The following TEX9 variants were observed in gnomAD, a reference collection of about 807,000 sequenced individuals.
TEX9 encodes the protein testis-expressed protein 9.
TEX9 carries 74 observed loss-of-function variants against 59.6 expected under a neutral mutation model. The ratio of observed to expected loss-of-function variants is 1.24; its 90% CI spans 1.03 to 1.51. The LOEUF is 1.51. TEX9 is among the 40% of genes most tolerant of loss of function. The pLI is 0.00. For missense variants in TEX9, 522 were observed against 447.8 expected (o/e 1.17, Z -1.49); for synonymous variants, 186 against 152.2 (o/e 1.22, Z -1.64).
upstream of TEX9, chr15:56,365,399 T>C: frequency 6.3e-7 from 1 of 1,589,206 alleles, no homozygotes; most frequent in Non-Finnish European, 8.6e-7. Context: ...ATGTGGAAAC[T>C]CTCGCGGGAA....
At chr15:56,263,951 G>A (rs2044324053) in intron 1 of TEX9, among the ~76,000 whole-genome samples, 1 of 152,154 alleles carries the variant, frequency 6.6e-6, no homozygotes, top group Non-Finnish European at 1.5e-5. Context: ...CCAGGTGAAA[G>A]ACATTTTTGG....
At chr15:56,320,180 C>T (rs1351937379) in intron 1 of TEX9, among the ~76,000 whole-genome samples, 1 of 152,198 alleles carries the variant, frequency 6.6e-6, no homozygotes, top group Non-Finnish European at 1.5e-5. Context: ...CTCACTTCCA[C>T]TGCAATGGAA....
intron 1 of TEX9, among the ~76,000 whole-genome samples, chr15:56,350,067 C>T (rs2046548473): frequency 6.6e-6 from 1 of 152,000 alleles, no homozygotes; most frequent in Non-Finnish European, 1.5e-5. Flanking sequence ...TGCTTATAGT[C>T]CTTATATTGT....
chr15:56,405,728 A>C (rs1056638478), intron 9 of TEX9, among the ~76,000 whole-genome samples: 1 of 152,124 alleles, frequency 6.6e-6, no homozygotes, highest in Non-Finnish European at 1.5e-5. Context: ...TTATATCTCT[A>C]TACAAACAAA....
chr15:56,460,009 A>AAAAAAAAAAAAAAAATATATATATATAT, the TEX9 span, among the ~76,000 whole-genome samples: 2 of 26,388 alleles, frequency 7.6e-5, no homozygotes, highest in East Asian at 1.1e-3. Context: ...AAAAAAAAAA[A>AAAAAAAAAAAAAAAATATATATATATAT]ATACATATAT....
intron 1 of TEX9, among the ~76,000 whole-genome samples, chr15:56,263,484 A>T (rs928152354): frequency 6.7e-6 from 1 of 149,986 alleles, no homozygotes; most frequent in African/African-American, 2.5e-5. Context: ...TCCTTTCCTA[A>T]TTTTCTTGGG....
intron 1 of TEX9, among the ~76,000 whole-genome samples, chr15:56,267,586 T>A (rs1156446369): frequency 2.0e-5 from 3 of 152,236 alleles, no homozygotes; most frequent in Non-Finnish European, 4.4e-5. Flanking sequence ...AAATAGGGAA[T>A]CCTTTCCCCA....
At chr15:56,253,565 G>A (rs558576467) in intron 1 of TEX9, among the ~76,000 whole-genome samples, 1 of 152,208 alleles carries the variant, frequency 6.6e-6, no homozygotes, top group African/African-American at 2.4e-5. Flanking sequence ...TTAGAGATGA[G>A]GGTCTGTGCT....
chr15:56,427,779 A>C, intron 11 of TEX9, 40 bp downstream of exon 11: 1 of 1,395,112 alleles, frequency 7.2e-7, no homozygotes, highest in Non-Finnish European at 9.5e-7. Context: ...TATTATTTGT[A>C]ACTTTCTTAC....
intron 12 of TEX9, chr15:56,428,943 G>GTATC: frequency 1.8e-6 from 1 of 550,940 alleles, no homozygotes; most frequent in African/African-American, 2.0e-5. Flanking sequence ...AAATTAATTT[G>GTATC]TATCTGATAA....
intron 1 of TEX9, among the ~76,000 whole-genome samples, chr15:56,272,917 TA>T (rs1438154439): frequency 9.8e-6 from 1 of 101,884 alleles, no homozygotes; most frequent in Admixed American, 1.0e-4. Flanking sequence ...GGGGGTTCTT[TA>T]TTTATTTATT....
intron 3 of TEX9, among the ~76,000 whole-genome samples, chr15:56,383,136 A>C (rs1215985843): frequency 6.6e-5 from 10 of 152,110 alleles, no homozygotes; most frequent in Non-Finnish European, 1.3e-4. Flanking sequence ...GGGTACTCAA[A>C]GTCTCCGCCC....
At chr15:56,446,832 C>T (rs760223354), downstream of TEX9, 3 of 1,581,106 alleles carry the variant, frequency 1.9e-6, no homozygotes, top group East Asian at 2.2e-5. Context: ...TGACCAGAAA[C>T]ATGATTACCA....
intron 12 of TEX9, among the ~76,000 whole-genome samples, chr15:56,445,001 T>G (rs1478872339): frequency 6.6e-6 from 1 of 152,066 alleles, no homozygotes; most frequent in African/African-American, 2.4e-5. Flanking sequence ...AGTCATTATC[T>G]TATTATTCTA....
At chr15:56,373,037 C>T (rs1293947692) in intron 2 of TEX9, among the ~76,000 whole-genome samples, 3 of 152,136 alleles carry the variant, frequency 2.0e-5, no homozygotes, top group Non-Finnish European at 2.9e-5. Flanking sequence ...TCCCCCATAC[C>T]GTGCCCACTT....
chr15:56,270,734 G>T (rs1158284484), intron 1 of TEX9, among the ~76,000 whole-genome samples: 2 of 152,154 alleles, frequency 1.3e-5, no homozygotes, highest in Non-Finnish European at 2.9e-5. Context: ...TAGCATTGAT[G>T]GTCTTTACAA....
At chr15:56,316,490 G>T (rs1284307127) in intron 1 of TEX9, among the ~76,000 whole-genome samples, 6 of 150,118 alleles carry the variant, frequency 4.0e-5, no homozygotes, top group African/African-American at 1.5e-4. Flanking sequence ...ACCCACTTGA[G>T]GAGGCAGTCT....
chr15:56,386,614 A>G (rs1189037521), intron 4 of TEX9, among the ~76,000 whole-genome samples: 1 of 152,010 alleles, frequency 6.6e-6, no homozygotes, highest in Non-Finnish European at 1.5e-5. Flanking sequence ...GTATGCGTAC[A>G]TATACCATGA....
intron 1 of TEX9, among the ~76,000 whole-genome samples, chr15:56,355,001 T>TACACTTA (rs1408912777): frequency 1.3e-4 from 20 of 152,184 alleles, no homozygotes; most frequent in Middle Eastern, 3.2e-3. Flanking sequence ...TTACCTATTT[T>TACACTTA]AAGTGTATAG....
Sources: allele counts gnomAD v4.1 joint callset (sites outside exome capture counted in the v4.1 genomes callset), GRCh38; gene constraint gnomAD v4.1.1; transcripts MANE v1.5; gene names NCBI Gene and HGNC (gene_info 2026-07-23, HGNC 2026-07-21).